The following COP1 variants were observed in gnomAD, a reference collection of about 807,000 sequenced individuals.
The protein encoded by COP1 is COP1 E3 ubiquitin ligase, also known as E3 ubiquitin-protein ligase COP1.
Under a neutral mutation model 101.3 loss-of-function variants are expected in COP1, and 24 were observed. The ratio of observed to expected loss-of-function variants is 0.24; its 90% CI spans 0.17 to 0.33. The LOEUF is 0.33. Among genes scored for constraint, COP1 ranks in the 10% least tolerant of loss-of-function variants. The pLI is 1.00. For missense variants in COP1, 663 were observed against 906.2 expected, an observed-to-expected ratio of 0.73 and a Z score of 3.45; for synonymous variants, 347 against 341.9, an observed-to-expected ratio of 1.01 and a Z score of -0.17.
Position 176,046,828 on chromosome 1 carries a change from A to T in COP1, c.1278-504T>A, listed in dbSNP as rs187486864. 1.1e-4 allele frequency among the ~76,000 whole-genome samples: 16 copies of T among 152,204 alleles called. No homozygotes were observed. In the East Asian group the frequency reaches 2.9e-3, roughly 28 times the overall value. ...GGGTGATGACAAGGGGATGGAATAC[A>T]TATAACAGAACCACTGAATTATCAT... On this transcript the variant is annotated intron_variant, in intron 11 of 19. Transcript: ENST00000367669.
chr1:176,165,455 G>A (rs1558241153), intron 3 of COP1, among the ~76,000 whole-genome samples: 1 of 151,662 alleles, frequency 6.6e-6, no homozygotes, highest in South Asian at 2.1e-4. Flanking sequence ...AGCACTTTGG[G>A]AGGCCAAGGT....
chr1:176,091,167 A>C (rs1406037268), intron 9 of COP1, among the ~76,000 whole-genome samples: 1 of 152,164 alleles, frequency 6.6e-6, no homozygotes, highest in Non-Finnish European at 1.5e-5. Flanking sequence ...ATCATAAACA[A>C]AAATGAAGTT....
intron 15 of COP1, among the ~76,000 whole-genome samples, chr1:176,007,875 G>A (rs1026750943): frequency 6.6e-6 from 1 of 152,260 alleles, no homozygotes; most frequent in Non-Finnish European, 1.5e-5. Context: ...GCTCCACCCA[G>A]TTCCAGCTTC....
At chr1:176,061,145 T>C (rs1484690456) in intron 11 of COP1, among the ~76,000 whole-genome samples, 2 of 152,128 alleles carry the variant, frequency 1.3e-5, no homozygotes, top group East Asian at 1.9e-4. Flanking sequence ...GACAGTTAAG[T>C]AGACTCACAT....
intron 1 of COP1, among the ~76,000 whole-genome samples, chr1:176,193,740 T>C (rs1034296184): frequency 6.6e-6 from 1 of 152,110 alleles, no homozygotes; most frequent in African/African-American, 2.4e-5. Context: ...TTATATGAAG[T>C]GTCTGGAATA....
Position 176,163,805 on chromosome 1 carries a change from T to C in COP1, c.642+10A>G, listed in dbSNP as rs752923728. 4 of 1,514,062 alleles carry C rather than the reference T, an allele frequency of 2.6e-6. No homozygotes were observed. Among genetic ancestry groups the C allele is most frequent in the Non-Finnish European group, 3.6e-6 (4 of 1,110,220 alleles). The allele number at this position is 1,514,062 out of a possible 1,614,324, so 93.8% of individuals were successfully genotyped here. ...ATTTATTAAAAATAGTAATAAGAGT[T>C]GAAACATACGGTGCTACTCACTGAG... is the stretch of plus-strand genomic sequence containing the variant. On this transcript the variant is annotated intron_variant, in intron 4 of 19. Coordinates refer to ENST00000367669, the MANE Select transcript of COP1 (RefSeq NM_022457.7).
intron 16 of COP1, chr1:175,988,658 C>A: frequency 2.9e-6 from 1 of 341,074 alleles, no homozygotes; most frequent in Non-Finnish European, 5.4e-6. Context: ...CATAGCAAAA[C>A]ACCGTCTCTA....
chr1:176,150,030 A>C (rs1346957657), intron 5 of COP1, among the ~76,000 whole-genome samples: 1 of 152,210 alleles, frequency 6.6e-6, no homozygotes, highest in Admixed American at 6.5e-5. Flanking sequence ...TAAAACAGAC[A>C]CTGGGTCAGA....
At chr1:176,072,865 A>G (rs1482044463) in intron 11 of COP1, among the ~76,000 whole-genome samples, 1 of 152,200 alleles carries the variant, frequency 6.6e-6, no homozygotes, top group African/African-American at 2.4e-5. Flanking sequence ...AGTATAAAAA[A>G]TATTCATTAT....
At chr1:176,065,695 G>A (rs1572026968) in intron 11 of COP1, among the ~76,000 whole-genome samples, 1 of 151,370 alleles carries the variant, frequency 6.6e-6, no homozygotes, top group African/African-American at 2.4e-5. Flanking sequence ...TACCAGGAAG[G>A]GGATAATGAT....
chr1:176,126,721 G>A (rs989462207), intron 8 of COP1, among the ~76,000 whole-genome samples: 3 of 152,066 alleles, frequency 2.0e-5, no homozygotes, highest in Admixed American at 6.6e-5. Context: ...CAAAGTGCTG[G>A]GGTTACAGGC....
At chr1:176,002,767 T>G (rs1443081416) in intron 15 of COP1, among the ~76,000 whole-genome samples, 3 of 149,148 alleles carry the variant, frequency 2.0e-5, no homozygotes, top group Non-Finnish European at 4.5e-5. Context: ...TGTTGGACAT[T>G]TGGGTTGGTT....
At chr1:176,079,059 C>A (rs1162775861) in intron 11 of COP1, among the ~76,000 whole-genome samples, 2 of 152,076 alleles carry the variant, frequency 1.3e-5, no homozygotes, top group Non-Finnish European at 2.9e-5. Flanking sequence ...CTAGATCAAC[C>A]ACTATGGAAA....
At chr1:176,010,158 C>T (rs1451480475) in intron 15 of COP1, among the ~76,000 whole-genome samples, 4 of 152,036 alleles carry the variant, frequency 2.6e-5, no homozygotes, top group Admixed American at 2.0e-4. Context: ...AAACACACAC[C>T]GCCTCTTGTC....
chr1:176,029,843 A>G (rs1453824180), intron 14 of COP1, among the ~76,000 whole-genome samples: 2 of 152,258 alleles, frequency 1.3e-5, no homozygotes, highest in African/African-American at 4.8e-5. Context: ...ATCTCCAAGT[A>G]GAAATTAATC....
chr1:176,086,368 G>T (rs1445399405), intron 9 of COP1, among the ~76,000 whole-genome samples: 1 of 151,614 alleles, frequency 6.6e-6, no homozygotes, highest in African/African-American at 2.4e-5. Flanking sequence ...TGGGACTACA[G>T]CCGCCCGCCA....
chr1:176,176,129 T>G (rs1022272624), intron 2 of COP1, 122 bp from the exon 3 acceptor site: 23 of 566,442 alleles, frequency 4.1e-5, no homozygotes, highest in African/African-American at 4.1e-4. Flanking sequence ...CTAATAAATT[T>G]ATTTTTGCTT....
chr1:175,982,708 A>G (rs1656163560), intron 18 of COP1, among the ~76,000 whole-genome samples: 1 of 152,198 alleles, frequency 6.6e-6, no homozygotes, highest in Non-Finnish European at 1.5e-5. Context: ...GTTAAACTGT[A>G]TATAATGGAA....
intron 12 of COP1, among the ~76,000 whole-genome samples, chr1:176,044,691 G>A (rs183197800): frequency 4.1e-4 from 62 of 152,188 alleles, no homozygotes; most frequent in African/African-American, 1.4e-3. Flanking sequence ...ATTAGCTGTG[G>A]CTCTGGCTAA....
Sources: gnomAD v4.1 joint callset for allele counts (sites outside exome capture counted in the v4.1 genomes callset) on GRCh38, gnomAD v4.1.1 for gene constraint, MANE v1.5 for transcripts, NCBI Gene and HGNC (gene_info 2026-07-23, HGNC 2026-07-21) for gene names.